GALK2: variants seen among roughly 807,000 people sequenced by gnomAD.
GALK2 encodes N-acetylgalactosamine kinase.
In GALK2, 36 loss-of-function variants were observed where a neutral mutation model predicts 52.4. The ratio of observed to expected loss-of-function variants is 0.69; its 90% confidence interval spans 0.53 to 0.91. GALK2 has a LOEUF of 0.91. Ranked by LOEUF, GALK2 falls within the 40% of genes least tolerant of loss-of-function variation. GALK2 has a pLI of 0.00. For missense variants in GALK2, 579 were observed against 559.1 expected (o/e 1.04, Z -0.36); for synonymous variants, 176 against 199.1 (o/e 0.88, Z 0.98).
intron 3 of GALK2, 47 bp from the exon 4 acceptor site, chr15:49,235,804 C>A: frequency 7.7e-7 from 1 of 1,297,356 alleles, no homozygotes; most frequent in Non-Finnish European, 1.1e-6. Context: ...GATTTTGCAG[C>A]TCAAGGCCTA....
intron 8 of GALK2, among the ~76,000 whole-genome samples, chr15:49,316,580 G>A (rs891608307): frequency 2.6e-5 from 4 of 152,070 alleles, no homozygotes; most frequent in Admixed American, 6.5e-5. Context: ...AAACCTGCAC[G>A]TTGTGCACAT....
Position 49,235,924 on chromosome 15 carries a change from G to A in GALK2, c.340G>A (p.Gly114Arg). The change falls in exon 4 of 10, where the codon GGA becomes AGA. Residue 114 changes from glycine to arginine, a missense_variant. Transcript: ENST00000560031. ...KPLWHNYFLC[G>R]LKGIQEHFGL... is the part of the protein sequence containing the mutation. ...TTTGTGGCACAACTATTTCTTATGT[G>A]GACTTAAAGGAATTCAGGTAAATTG... 3 of 1,610,066 alleles carry A rather than the reference G, an allele frequency of 1.9e-6. No individual in the cohort carries two copies. The highest frequency in any genetic ancestry group is 2.6e-6 in the Non-Finnish European group (3 of 1,176,384).
intron 5 of GALK2, among the ~76,000 whole-genome samples, chr15:49,265,886 A>G (rs1595892600): frequency 6.6e-6 from 1 of 152,226 alleles, no homozygotes; most frequent in South Asian, 2.1e-4. Flanking sequence ...AGCCAGCTTC[A>G]TTAAAAAAGG....
chr15:49,363,307 G>A (rs1056511812), intron 3 of GALK2, among the ~76,000 whole-genome samples: 2 of 152,096 alleles, frequency 1.3e-5, no homozygotes, highest in African/African-American at 4.8e-5. Context: ...TTTGAGCAAT[G>A]TTTTGTAATT....
chr15:49,355,328 G>A (rs1210953264), intron 3 of GALK2, among the ~76,000 whole-genome samples: 3 of 152,154 alleles, frequency 2.0e-5, no homozygotes, highest in Non-Finnish European at 4.4e-5. Context: ...AGGCAAAGAA[G>A]TTGAAAACTT....
chr15:49,224,546 G>T (rs1192975017), intron 3 of GALK2, among the ~76,000 whole-genome samples: 1 of 152,118 alleles, frequency 6.6e-6, no homozygotes, highest in Non-Finnish European at 1.5e-5. Flanking sequence ...ACTGCATACG[G>T]CTAACCAGTT....
chr15:49,360,233 G>A (rs1422746242), intron 3 of GALK2, among the ~76,000 whole-genome samples: 1 of 97,138 alleles, frequency 1.0e-5, no homozygotes, highest in Non-Finnish European at 2.2e-5. Context: ...AAAACTTATA[G>A]TATAAGGAAA....
At chr15:49,275,292 G>C (rs1239620554) in intron 5 of GALK2, among the ~76,000 whole-genome samples, 4 of 152,162 alleles carry the variant, frequency 2.6e-5, no homozygotes, top group Non-Finnish European at 5.9e-5. Context: ...CAGCCTTCTG[G>C]GGCAGATAGC....
chr15:49,200,929 A>G (rs2087699791), intron 1 of GALK2, among the ~76,000 whole-genome samples: 1 of 152,258 alleles, frequency 6.6e-6, no homozygotes, highest in South Asian at 2.1e-4. Context: ...CAGTGTGCTT[A>G]GCTATACTTT....
chr15:49,264,393 G>C (rs1020863301), intron 5 of GALK2, among the ~76,000 whole-genome samples: 37 of 152,098 alleles, frequency 2.4e-4, no homozygotes, highest in African/African-American at 8.5e-4. Context: ...TCTTCACGTA[G>C]TTCTCGAGCC....
intron 5 of GALK2, among the ~76,000 whole-genome samples, chr15:49,262,916 G>T (rs1278456701): frequency 2.1e-5 from 3 of 144,004 alleles, no homozygotes; most frequent in African/African-American, 7.9e-5. Flanking sequence ...TAGTTTGATT[G>T]CACTGTGGTC....
intron 5 of GALK2, among the ~76,000 whole-genome samples, chr15:49,243,913 A>G (rs1274709673): frequency 2.0e-5 from 3 of 151,860 alleles, no homozygotes; most frequent in Non-Finnish European, 1.5e-5. Context: ...GCTTGAGGCC[A>G]GGAGTTCAAG....
At chr15:49,207,139 T>A (rs1467588476) in intron 2 of GALK2, among the ~76,000 whole-genome samples, 1 of 152,250 alleles carries the variant, frequency 6.6e-6, no homozygotes, top group Non-Finnish European at 1.5e-5. Context: ...TGTATCACAT[T>A]TATAGACTTG....
At chr15:49,204,501 A>G (rs1395165702) in intron 2 of GALK2, among the ~76,000 whole-genome samples, 1 of 151,746 alleles carries the variant, frequency 6.6e-6, no homozygotes, top group South Asian at 2.1e-4. Flanking sequence ...ATCCTCTTCA[A>G]TTTCTTTCAT....
chr15:49,354,349 T>C (rs1449014422), intron 3 of GALK2, among the ~76,000 whole-genome samples: 2 of 152,156 alleles, frequency 1.3e-5, no homozygotes, highest in Non-Finnish European at 2.9e-5. Context: ...TTCATCTCAC[T>C]AGGGAGTGCC....
intron 5 of GALK2, among the ~76,000 whole-genome samples, chr15:49,253,068 C>G (rs1394068190): frequency 6.9e-6 from 1 of 144,604 alleles, no homozygotes; most frequent in Non-Finnish European, 1.6e-5. Context: ...TTATATGTTG[C>G]AAATATTTAT....
chr15:49,285,422 G>A (rs1012586189), intron 7 of GALK2, among the ~76,000 whole-genome samples: 5 of 152,190 alleles, frequency 3.3e-5, no homozygotes, highest in African/African-American at 1.2e-4. Context: ...TCCCACAGAT[G>A]TTTAAATGTT....
intron 5 of GALK2, among the ~76,000 whole-genome samples, chr15:49,245,544 A>T (rs933201890): frequency 1.3e-5 from 2 of 152,312 alleles, no homozygotes; most frequent in East Asian, 3.9e-4. Flanking sequence ...AAGGGATTCA[A>T]TGAGTCAAGG....
chr15:49,200,726 G>C (rs2087675802), intron 1 of GALK2, among the ~76,000 whole-genome samples: 1 of 152,124 alleles, frequency 6.6e-6, no homozygotes, highest in African/African-American at 2.4e-5. Flanking sequence ...TCTCTGTTGT[G>C]TTAAGCCATC....
Sources: allele counts gnomAD v4.1 joint callset (sites outside exome capture counted in the v4.1 genomes callset), GRCh38; gene constraint gnomAD v4.1.1; transcripts MANE v1.5; gene names NCBI Gene and HGNC (gene_info 2026-07-23, HGNC 2026-07-21).